RASSF6: variants seen among roughly 807,000 people sequenced by gnomAD.
RASSF6 encodes the protein Ras association domain family member 6, also known as ras association domain-containing protein 6.
A neutral mutation model predicts 44.0 loss-of-function variants in RASSF6; 52 were observed. That is an observed-to-expected ratio of 1.18 (90% CI 0.95 to 1.49). The LOEUF (loss-of-function observed/expected upper bound fraction) is 1.49. Among genes scored for constraint, RASSF6 ranks in the 40% most tolerant of loss-of-function variants. RASSF6 has a pLI of 0.00. For missense variants in RASSF6, 464 were observed against 393.3 expected, an observed-to-expected ratio of 1.18 and a Z score of -1.52; for synonymous variants, 162 against 124.6, an observed-to-expected ratio of 1.30 and a Z score of -2.00.
chr4:73,593,146 G>T (rs1396145152), intron 4 of RASSF6, among the ~76,000 whole-genome samples: 2 of 151,914 alleles, frequency 1.3e-5, no homozygotes, highest in Non-Finnish European at 2.9e-5. Context: ...CTCCCGAGTA[G>T]CTGGGATTAC....
Position 73,580,236 on chromosome 4 carries a change from T to C in RASSF6, c.721+1581A>G, listed in dbSNP as rs550687759. Among the ~76,000 whole-genome samples the C allele has an allele frequency of 1.7e-3, 257 of 151,926 alleles. 2 individuals carry two copies. Among genetic ancestry groups the C allele is most frequent in the African/African-American group, 6.1e-3 (253 of 41,308 alleles). ...TTTATGGATGCATAGTATTCCATGG[T>C]GTATATGTGCCACATTTTCTTAATC... On this transcript the variant is annotated intron_variant, in intron 8 of 10. Transcript: ENST00000307439.
Position 73,585,404 on chromosome 4 carries a change from C to T in RASSF6, c.383-40G>A, listed in dbSNP as rs190587874. 3,214 of 1,393,946 alleles carry T rather than the reference C, an allele frequency of 2.3e-3. 7 individuals are homozygous for T. The highest frequency in any genetic ancestry group is 2.9e-3 in the Non-Finnish European group (2,989 of 1,037,244). The allele number at this position is 1,393,946 out of a possible 1,614,324, so 86.3% of individuals were successfully genotyped here. A position where few individuals can be genotyped will look rare whatever the true frequency, so the allele number is the denominator to read the frequency against. On this transcript the variant is annotated intron_variant, in intron 5 of 10. Coordinates refer to ENST00000307439, the MANE Select transcript of RASSF6 (RefSeq NM_177532.5). ...TTATAAGCTCATATCATTCAGCTGC[C>T]TGTGTCCTAGCATCCTGAGTGGATT...
At chr4:73,614,851 C>G (rs1277350374) in intron 1 of RASSF6, among the ~76,000 whole-genome samples, 1 of 151,950 alleles carries the variant, frequency 6.6e-6, no homozygotes, top group African/African-American at 2.4e-5. Flanking sequence ...AAAATAAAAA[C>G]AGGATAAAAT....
intron 6 of RASSF6, among the ~76,000 whole-genome samples, chr4:73,583,233 G>C (rs1350642544): frequency 6.6e-6 from 1 of 152,028 alleles, no homozygotes; most frequent in Non-Finnish European, 1.5e-5. Flanking sequence ...ACATATATTT[G>C]ATAAATGACT....
chr4:73,586,260 A>G (rs1053283252), intron 5 of RASSF6, among the ~76,000 whole-genome samples: 22 of 152,012 alleles, frequency 1.4e-4, no homozygotes, highest in East Asian at 5.8e-4. Context: ...GTTGTCCACT[A>G]TCCTATTATT....
At chr4:73,601,426 C>G (rs918913857) in intron 2 of RASSF6, among the ~76,000 whole-genome samples, 1 of 152,224 alleles carries the variant, frequency 6.6e-6, no homozygotes, top group East Asian at 1.9e-4. Context: ...AGAAAGTCTT[C>G]CAATCTGTAA....
In RASSF6 at chr4:73,587,896, A is replaced by G; in HGVS notation, c.326T>C (p.Ile109Thr). ...AATCTGGGTCCTGTCCAGCTCACTAATACGATAGAGATCGTCAAATTCCCC... is the reference window on the plus strand; with the variant it reads ...AATCTGGGTCCTGTCCAGCTCACTAGTACGATAGAGATCGTCAAATTCCCC... ...RWGEFDDLYR[I>T]SELDRTQIPM... The change falls in exon 5 of 11, where the codon ATT becomes ACT. Residue 109 changes from isoleucine to threonine, a missense_variant. Coordinates refer to ENST00000307439, the MANE Select transcript of RASSF6 (RefSeq NM_177532.5). 1 of 1,610,564 alleles carries G rather than the reference A, an allele frequency of 6.2e-7. No individual in the cohort carries two copies. The highest frequency in any genetic ancestry group is 1.1e-5 in the South Asian group (1 of 90,840).
rs565899416 is a variant in RASSF6 at position 73,608,796 on chromosome 4, C to G, written c.65+2935G>C. ...CTCACAGGGGCATGCAGTGTTTGCT[C>G]CTATTCCTTTGATCAGGAGAAGACC... On this transcript the variant is annotated intron_variant, in intron 2 of 10. Transcript: ENST00000307439. Among the ~76,000 whole-genome samples the G allele has an allele frequency of 4.6e-5, 7 of 152,292 alleles. No individual in the cohort carries two copies. The South Asian group carries it at 1.0e-3, about 23-fold the overall frequency.
At chr4:73,619,327 A>C (rs918017675) in intron 1 of RASSF6, among the ~76,000 whole-genome samples, 1 of 152,212 alleles carries the variant, frequency 6.6e-6, no homozygotes, top group African/African-American at 2.4e-5. Context: ...AAATGGAAAG[A>C]AGCCAGGTCA....
intron 4 of RASSF6, among the ~76,000 whole-genome samples, chr4:73,589,522 G>A (rs946459125): frequency 6.6e-6 from 1 of 152,070 alleles, no homozygotes; most frequent in Admixed American, 6.6e-5. Context: ...AGACGTGACA[G>A]CTTAGTTTTG....
chr4:73,614,356 G>T (rs189084348), intron 1 of RASSF6, among the ~76,000 whole-genome samples: 2 of 152,310 alleles, frequency 1.3e-5, no homozygotes, highest in South Asian at 2.1e-4. Context: ...ATTAACAGGT[G>T]AGGACTTTAG....
rs1723053291 is a variant in RASSF6 at position 73,573,898 on chromosome 4, G to C, written c.*2337C>G. On this transcript the variant is annotated 3_prime_UTR_variant, in exon 11 of 11. Coordinates refer to ENST00000307439, the MANE Select transcript of RASSF6 (RefSeq NM_177532.5). Reference sequence around the variant, plus strand: ...TACTTTGTCAGTAGAGGGCGCTGGAGACACACTGCAAGAGGAAGGGGTCTT... The same window carrying C: ...TACTTTGTCAGTAGAGGGCGCTGGACACACACTGCAAGAGGAAGGGGTCTT... 1 of 152,218 alleles carries C rather than the reference G, an allele frequency of 6.6e-6. No homozygotes were observed. Among genetic ancestry groups the C allele is most frequent in the South Asian group, 2.1e-4 (1 of 4,830 alleles). 9.4% of individuals were successfully genotyped at this position (152,218 alleles called of 1,614,324 possible). A position where few individuals can be genotyped will look rare whatever the true frequency, so the allele number is the denominator to read the frequency against.
intron 2 of RASSF6, among the ~76,000 whole-genome samples, chr4:73,603,752 T>C (rs1222500667): frequency 1.7e-4 from 26 of 152,230 alleles, no homozygotes; most frequent in Non-Finnish European, 5.9e-5. Flanking sequence ...TTTATAAAAC[T>C]GTAATATACA....
rs1723073469 is a variant in RASSF6, at chr4:73,574,180, C to T, written c.*2055G>A. 6.6e-6 allele frequency: 1 copy of T among 152,446 alleles called. No individual in the cohort carries two copies. The highest frequency in any genetic ancestry group is 2.4e-5 in the African/African-American group (1 of 41,448). The allele number at this position is 152,446 out of a possible 1,614,324, so 9.4% of individuals were successfully genotyped here. On this transcript the variant is annotated 3_prime_UTR_variant, in exon 11 of 11. Transcript: ENST00000307439. ...CTGGGTGCACACTCATACAGAGGACCCTGCTGGGCTGGCCAACTACTGAGC... is the reference window on the plus strand; with the variant it reads ...CTGGGTGCACACTCATACAGAGGACTCTGCTGGGCTGGCCAACTACTGAGC...
chr4:73,619,782 G>A (rs1014092273), intron 1 of RASSF6, among the ~76,000 whole-genome samples: 1 of 150,132 alleles, frequency 6.7e-6, no homozygotes, highest in African/African-American at 2.4e-5. Flanking sequence ...CGCTTATATT[G>A]AAAATTCATT....
chr4:73,576,847 C>A, intron 8 of RASSF6, 116 bp from the exon 9 acceptor site: 1 of 655,218 alleles, frequency 1.5e-6, no homozygotes, highest in Non-Finnish European at 2.7e-6. Context: ...ATAACACCTG[C>A]AACAGGAGGC....
chr4:73,587,281 A>G (rs1293901613), intron 5 of RASSF6, among the ~76,000 whole-genome samples: 5 of 152,212 alleles, frequency 3.3e-5, no homozygotes, highest in African/African-American at 1.2e-4. Context: ...TGGTTTGCCA[A>G]GTTCAGTATG....
chr4:73,584,739 C>T (rs951237082), intron 6 of RASSF6, among the ~76,000 whole-genome samples: 10 of 152,044 alleles, frequency 6.6e-5, no homozygotes, highest in Non-Finnish European at 1.0e-4. Context: ...CCCTGAGCTC[C>T]GTGCTGGCTG....
chr4:73,594,237 A>G (rs1185850862), intron 3 of RASSF6, among the ~76,000 whole-genome samples: 1 of 152,256 alleles, frequency 6.6e-6, no homozygotes, highest in Non-Finnish European at 1.5e-5. Context: ...ATATATATGA[A>G]AGTGCTTTTC....
Sources: gnomAD v4.1 joint callset for allele counts (sites outside exome capture counted in the v4.1 genomes callset) on GRCh38, gnomAD v4.1.1 for gene constraint, MANE v1.5 for transcripts, NCBI Gene and HGNC (gene_info 2026-07-23, HGNC 2026-07-21) for gene names.